The following LRRC37A2 variants were observed in gnomAD, a reference collection of about 807,000 sequenced individuals.
LRRC37A2 encodes the protein leucine-rich repeat-containing protein 37A2.
In LRRC37A2, 9 loss-of-function variants were observed where a neutral mutation model predicts 68.8. That is an observed-to-expected ratio of 0.13 (90% confidence interval 0.08 to 0.23). The LOEUF (loss-of-function observed/expected upper bound fraction) is 0.23. LRRC37A2 is among the 10% of genes least tolerant of loss of function. The pLI is 1.00. For synonymous variants in LRRC37A2, 63 were observed against 367.6 expected, an observed-to-expected ratio of 0.17 and a Z score of 9.48; for missense variants, 168 against 950.4, an observed-to-expected ratio of 0.18 and a Z score of 10.82.
chr17:46,760,764 G>C, the LRRC37A2 span, among the ~76,000 whole-genome samples: 4 of 151,930 alleles, frequency 2.6e-5, no homozygotes, highest in African/African-American at 9.7e-5. Flanking sequence ...TTTCAGCACC[G>C]ACAGGATGCC....
At chr17:46,768,793 G>C in the LRRC37A2 span, 3 of 1,613,450 alleles carry the variant, frequency 1.9e-6, no homozygotes, top group East Asian at 6.7e-5. This position sits in a 1 kb window ranked among gnomAD's most constrained non-coding sequence, Gnocchi z 5.0. Flanking sequence ...ATGTGGTCCA[G>C]GATAGTCTGG....
At chr17:46,768,828 C>T in the LRRC37A2 span, 26 of 1,608,052 alleles carry the variant, frequency 1.6e-5, no homozygotes, top group Middle Eastern at 5.4e-4. This position sits in a 1 kb window ranked among gnomAD's most constrained non-coding sequence, Gnocchi z 5.0. Flanking sequence ...AGCTGGCCAA[C>T]AGACCGACCC....
At chr17:46,771,801 G>A in the LRRC37A2 span, among the ~76,000 whole-genome samples, 1 of 143,086 alleles carries the variant, frequency 7.0e-6, no homozygotes, top group Non-Finnish European at 1.5e-5. Context: ...TGGCCAGAGG[G>A]CGTGTGAATG....
chr17:46,836,985 C>G, the LRRC37A2 span, among the ~76,000 whole-genome samples: 1 of 152,120 alleles, frequency 6.6e-6, no homozygotes, highest in Non-Finnish European at 1.5e-5. Context: ...CTCTGTCGCC[C>G]AGGCTGTAGT....
the LRRC37A2 span, chr17:47,018,362 T>C: frequency 1.9e-6 from 3 of 1,611,056 alleles, no homozygotes; most frequent in Non-Finnish European, 2.5e-6. Flanking sequence ...TAGAACATCA[T>C]GAAGTCACAG....
chr17:46,924,014 T>C, the LRRC37A2 span: 15 of 396,544 alleles, frequency 3.8e-5, no homozygotes, highest in Non-Finnish European at 4.9e-5. Context: ...TTTTAACAAT[T>C]TTTAAGTGTA....
chr17:46,919,641 C>T, the LRRC37A2 span, among the ~76,000 whole-genome samples: 3 of 152,130 alleles, frequency 2.0e-5, no homozygotes, highest in Non-Finnish European at 2.9e-5. Flanking sequence ...TAAAGAAAAA[C>T]CCAATCTGAC....
At chr17:46,733,166 T>A in the LRRC37A2 span, among the ~76,000 whole-genome samples, 1 of 152,194 alleles carries the variant, frequency 6.6e-6, no homozygotes, top group Non-Finnish European at 1.5e-5. Flanking sequence ...ACACTGGGGC[T>A]CTTTTCAAGT....
the LRRC37A2 span, among the ~76,000 whole-genome samples, chr17:46,975,994 T>C: frequency 2.7e-4 from 41 of 152,148 alleles, no homozygotes; most frequent in Middle Eastern, 3.4e-3. Flanking sequence ...TAGCGTAATC[T>C]CGGCTCACTG....
At chr17:47,013,274 G>A in the LRRC37A2 span, among the ~76,000 whole-genome samples, 1 of 152,316 alleles carries the variant, frequency 6.6e-6, no homozygotes, top group African/African-American at 2.4e-5. Context: ...ACTGAGTGAG[G>A]TGGTAGTTGC....
the LRRC37A2 span, chr17:46,818,372 T>C: frequency 1.5e-6 from 1 of 652,094 alleles, no homozygotes; most frequent in Middle Eastern, 4.0e-4. Context: ...CAGCAGAAAA[T>C]CCAGGAGGGG....
chr17:47,018,576 C>T, the LRRC37A2 span: 7 of 1,520,352 alleles, frequency 4.6e-6, no homozygotes, highest in African/African-American at 9.6e-5. Context: ...CCCACATCTG[C>T]TTCCAGAGTC....
the LRRC37A2 span, chr17:46,935,258 G>A: frequency 1.2e-6 from 2 of 1,606,380 alleles, no homozygotes. Flanking sequence ...TTGATTACGT[G>A]TCCTCAAATT....
At chr17:46,862,415 G>T in the LRRC37A2 span, among the ~76,000 whole-genome samples, 1 of 152,024 alleles carries the variant, frequency 6.6e-6, no homozygotes, top group Admixed American at 6.5e-5. Flanking sequence ...ATTCTCCCTG[G>T]TTTGGGTCAG....
chr17:46,933,631 C>CTTTTTTTTTTTTTTTTTT, the LRRC37A2 span: 29 of 134,736 alleles, frequency 2.2e-4, 1 homozygote, highest in African/African-American at 7.7e-4. Flanking sequence ...GTGGCATAAC[C>CTTTTTTTTTTTTTTTTTT]TTTTTTTTTT....
chr17:46,796,534 G>A, the LRRC37A2 span, among the ~76,000 whole-genome samples: 1 of 152,198 alleles, frequency 6.6e-6, no homozygotes, highest in South Asian at 2.1e-4. Flanking sequence ...CTCTCAGAAG[G>A]AGTTGGATGA....
the LRRC37A2 span, among the ~76,000 whole-genome samples, chr17:46,983,603 C>T: frequency 6.6e-6 from 1 of 152,168 alleles, no homozygotes; most frequent in Admixed American, 6.5e-5. Flanking sequence ...CCTGTCTGCC[C>T]TTTCTTGAGC....
At chr17:47,010,076 G>C in the LRRC37A2 span, among the ~76,000 whole-genome samples, 2 of 152,200 alleles carry the variant, frequency 1.3e-5, no homozygotes, top group African/African-American at 4.8e-5. Flanking sequence ...AAACTTGTTC[G>C]CAAGTAGGGA....
At chr17:46,729,098 A>G in the LRRC37A2 span, among the ~76,000 whole-genome samples, 2 of 152,132 alleles carry the variant, frequency 1.3e-5, no homozygotes, top group East Asian at 1.9e-4. Flanking sequence ...AAGGTAAATT[A>G]TTTTATCAAC....
Sources: allele counts gnomAD v4.1 joint callset (sites outside exome capture counted in the v4.1 genomes callset), GRCh38; gene constraint gnomAD v4.1.1; non-coding constraint Gnocchi (gnomAD v3.1); transcripts MANE v1.5; gene names NCBI Gene and HGNC (gene_info 2026-07-23, HGNC 2026-07-21).